CR2: variants seen among roughly 807,000 people sequenced by gnomAD.
The protein encoded by CR2 is complement receptor type 2.
In CR2, 96 loss-of-function variants were observed where a neutral mutation model predicts 123.0. The ratio of observed to expected loss-of-function variants is 0.78; its 90% confidence interval spans 0.66 to 0.93. The LOEUF is 0.93. Among genes scored for constraint, CR2 ranks in the 40% least tolerant of loss-of-function variants. The pLI is 0.00. For missense variants in CR2, 1,258 were observed against 1,361.0 expected (o/e 0.92, Z 1.19); for synonymous variants, 484 against 469.5 (o/e 1.03, Z -0.40).
Position 207,480,153 on chromosome 1 carries a change from A to G in CR2, c.3188+100A>G, listed in dbSNP as rs535245882. Reference sequence around the variant, plus strand: ...GAAGCACAAGTTATGTGAAATAAATACTGCAATGTGATAACTAAATGAAGT... The same window carrying G: ...GAAGCACAAGTTATGTGAAATAAATGCTGCAATGTGATAACTAAATGAAGT... On this transcript the variant is annotated intron_variant, in intron 18 of 19. Transcript: ENST00000367057. The G allele has an allele frequency of 3.3e-4, 285 of 857,864 alleles. 2 individuals carry two copies. The highest frequency in any genetic ancestry group is 5.9e-4 in the Admixed American group (33 of 56,032). 53.1% of individuals were successfully genotyped at this position (857,864 alleles called of 1,614,324 possible).
chr1:207,471,429 G>A lies in CR2; in HGVS notation c.1500G>A (p.Lys500=), dbSNP rs904218818. 1 of 1,612,092 alleles carries A rather than the reference G, an allele frequency of 6.2e-7. No homozygotes were observed. Among genetic ancestry groups the A allele is most frequent in the Non-Finnish European group, 8.5e-7 (1 of 1,178,268 alleles). Residue 500 remains lysine (K), a synonymous_variant, in exon 9 of 20, where the codon AAG becomes AAA. Transcript: ENST00000367057. ...TACGTGACTCTGTCTCTAGGTACAA[G>A]TTAAGTGGGAGTGTTTATCAGGAGT... ...DVNSSCGEGY[K]LSGSVYQECQ...
rs373493698 is a variant in CR2 at position 207,468,629 on chromosome 1, G to C, written c.548G>C (p.Cys183Ser). The C allele has an allele frequency of 6.2e-7, 1 of 1,613,958 alleles. No homozygotes were observed. Among genetic ancestry groups the C allele is most frequent in the Non-Finnish European group, 8.5e-7 (1 of 1,179,972 alleles). The change falls in exon 3 of 20, where the codon TGT becomes TCT. Residue 183 changes from cysteine (C) to serine (S), a missense_variant. Transcript: ENST00000367057. ...CCAGGATTGTCTGTGACTTACAGCT[G>C]TGAATCTGGTTACTTGCTTGTTGGA... ...IAPGLSVTYS[C>S]ESGYLLVGEK...
At chr1:207,465,981 G>A (rs1018391260) in intron 1 of CR2, among the ~76,000 whole-genome samples, 2 of 152,178 alleles carry the variant, frequency 1.3e-5, no homozygotes, top group East Asian at 3.8e-4. Context: ...TGAATAATTA[G>A]TATGTTCCAG....
chr1:207,476,399 A>C lies in CR2; in HGVS notation c.2882A>C (p.Gln961Pro), dbSNP rs191264913. 8.1e-6 allele frequency: 13 copies of C among 1,613,588 alleles called. No homozygotes were observed. Among genetic ancestry groups the C allele is most frequent in the Non-Finnish European group, 1.1e-5 (13 of 1,179,866 alleles). Residue 961 changes from glutamine (Q) to proline (P), a missense_variant, in exon 15 of 20, where the codon CAA becomes CCA. Physicochemically the swap from Gln to Pro is moderately conservative, Grantham distance 76 (BLOSUM62 -1). Transcript: ENST00000367057. ...TGCACACATGAGGGAACCTGGAGCC[A>C]ACCTGCCCCTCATTGTAAAGGTGCT... is the stretch of plus-strand genomic sequence containing the variant. ...LLCTHEGTWS[Q>P]PAPHCKEVNC... is the part of the protein sequence containing the mutation.
chr1:207,486,361 C>T (rs2102315912), intron 19 of CR2, among the ~76,000 whole-genome samples: 1 of 151,786 alleles, frequency 6.6e-6, no homozygotes, highest in Non-Finnish European at 1.5e-5. Flanking sequence ...AGCAAGGAGG[C>T]CAGTGTGGCC....
chr1:207,482,504 C>T (rs1482934361), intron 18 of CR2, among the ~76,000 whole-genome samples: 1 of 152,074 alleles, frequency 6.6e-6, no homozygotes, highest in Non-Finnish European at 1.5e-5. Flanking sequence ...CCATTCTTTT[C>T]TTATACAACA....
intron 1 of CR2, among the ~76,000 whole-genome samples, chr1:207,457,490 C>T (rs1041444658): frequency 6.6e-6 from 1 of 152,174 alleles, no homozygotes; most frequent in Non-Finnish European, 1.5e-5. Context: ...ATTTTCCTGT[C>T]CCTCTTCTTG....
intron 18 of CR2, among the ~76,000 whole-genome samples, chr1:207,483,868 C>T (rs747015157): frequency 6.6e-6 from 1 of 151,786 alleles, no homozygotes; most frequent in African/African-American, 2.4e-5. Flanking sequence ...GCTGTGGAAC[C>T]AAAAAGAACA....
intron 18 of CR2, among the ~76,000 whole-genome samples, chr1:207,482,712 T>C (rs960071341): frequency 1.3e-5 from 2 of 152,122 alleles, no homozygotes; most frequent in African/African-American, 4.8e-5. Context: ...GGTCAATATT[T>C]GGGAGTTTTA....
rs762898593 is a variant in CR2, at chr1:207,469,822, C to T, written c.945C>T (p.Phe315=). The T allele has an allele frequency of 1.2e-6, 2 of 1,613,992 alleles. No homozygotes were observed. The highest frequency in any genetic ancestry group is 1.7e-6 in the Non-Finnish European group (2 of 1,179,946). The change falls in exon 6 of 20, where the codon TTC becomes TTT. Residue 315 remains phenylalanine (F), a synonymous_variant. Coordinates refer to ENST00000367057, the MANE Select transcript of CR2 (RefSeq NM_001006658.3). ...CGGACCCAGAGGAAGGAGTGAACTT[C>T]ATCCTTATTGGAGAGAGCACTCTCC... ...CDPDPEEGVN[F]ILIGESTLRC...
intron 14 of CR2, among the ~76,000 whole-genome samples, chr1:207,475,796 C>G (rs886492560): frequency 6.6e-6 from 1 of 152,184 alleles, no homozygotes; most frequent in Admixed American, 6.6e-5. Flanking sequence ...CACAAGACCC[C>G]CTTTGCTTCC....
intron 2 of CR2, among the ~76,000 whole-genome samples, chr1:207,467,929 C>A (rs1488485894): frequency 6.6e-6 from 1 of 152,138 alleles, no homozygotes; most frequent in African/African-American, 2.4e-5. Context: ...TTGCCAATAT[C>A]TACCAGGATA....
Position 207,473,183 on chromosome 1 carries a change from A to C in CR2, c.1978+4A>C. On this transcript the variant is annotated splice_donor_region_variant and intron_variant, in intron 10 of 19. Coordinates refer to ENST00000367057, the MANE Select transcript of CR2 (RefSeq NM_001006658.3). The stretch of plus-strand genomic sequence containing the variant: ...GAAATACCAGTTTGTGAAAAAGGTA[A>C]AAACCCAATAAGGGGGAAAAAAGGA... The C allele has an allele frequency of 6.2e-7, 1 of 1,613,584 alleles. No homozygotes were observed. The highest frequency in any genetic ancestry group is 8.5e-7 in the Non-Finnish European group (1 of 1,179,842).
At position 207,489,327 on chromosome 1, in the gene CR2, A is replaced by G. The variant is rs1658827295; in HGVS notation, c.*204A>G. On this transcript the variant is annotated 3_prime_UTR_variant, in exon 20 of 20. Transcript: ENST00000367057. ...TGGGAGCCCAGTTTCACTGCCATAT[A>G]CTCTTCAAGGACTTTCTGAAGCCTC... The G allele has an allele frequency of 6.6e-6, 1 of 152,148 alleles. No homozygotes were observed. The highest frequency in any genetic ancestry group is 2.4e-5 in the African/African-American group (1 of 41,408). 9.4% of individuals were successfully genotyped at this position (152,148 alleles called of 1,614,324 possible).
intron 18 of CR2, among the ~76,000 whole-genome samples, chr1:207,483,116 G>T (rs932202430): frequency 1.5e-4 from 23 of 152,120 alleles, no homozygotes; most frequent in Non-Finnish European, 4.4e-5. Flanking sequence ...TAGTGTTAGG[G>T]CGGATAATCC....
intron 16 of CR2, 66 bp downstream of exon 16, chr1:207,478,136 C>A: frequency 1.3e-6 from 2 of 1,522,134 alleles, no homozygotes; most frequent in East Asian, 2.4e-5. Context: ...GAGAGTTTCC[C>A]TCAGCGTGGA....
In CR2 at chr1:207,469,788, C is replaced by T. The variant is rs747385839; in HGVS notation, c.911C>T (p.Thr304Ile). Reference protein sequence around the residue: ...NVSYGSIVTYTCDPDPEEGVN... With the variant: ...NVSYGSIVTYICDPDPEEGVN... Reference sequence around the variant, plus strand: ...TCATATGGAAGCATAGTCACTTACACTTGTGACCCGGACCCAGAGGAAGGA... The same window carrying T: ...TCATATGGAAGCATAGTCACTTACATTTGTGACCCGGACCCAGAGGAAGGA... Residue 304 changes from threonine to isoleucine, a missense_variant, in exon 6 of 20, where the codon ACT (threonine) becomes ATT (isoleucine). Transcript: ENST00000367057. 1 of 1,613,984 alleles carries T rather than the reference C, an allele frequency of 6.2e-7. No individual in the cohort carries two copies.
chr1:207,466,597 G>C lies in CR2; in HGVS notation c.130G>C (p.Gly44Arg), dbSNP rs752234922. The part of the protein sequence containing the change: ...ISYYSTPIAV[G>R]TVIRYSCSGT... The stretch of plus-strand genomic sequence containing the variant: ...TTATTATTCTACCCCCATTGCTGTT[G>C]GTACCGTGATAAGGTACAGTTGTTC... Residue 44 changes from glycine (G) to arginine (R), a missense_variant, in exon 2 of 20, where the codon GGT (glycine) becomes CGT (arginine). Gly to Arg is a moderately radical substitution (Grantham distance 125). Transcript: ENST00000367057. 6.2e-7 allele frequency: 1 copy of C among 1,613,838 alleles called. No homozygotes were observed. The highest frequency in any genetic ancestry group is 8.5e-7 in the Non-Finnish European group (1 of 1,179,896).
In CR2 at chr1:207,469,884, G is replaced by A; in HGVS notation, c.1007G>A (p.Ser336Asn). 1 of 1,614,002 alleles carries A rather than the reference G, an allele frequency of 6.2e-7. No individual in the cohort carries two copies. Among genetic ancestry groups the A allele is most frequent in the Non-Finnish European group, 8.5e-7 (1 of 1,179,950 alleles). The change falls in exon 6 of 20, where the codon AGT (serine) becomes AAT (asparagine). Residue 336 changes from serine to asparagine, a missense_variant. Coordinates refer to ENST00000367057, the MANE Select transcript of CR2 (RefSeq NM_001006658.3). ...GATAGTCAGAAGACTGGGACCTGGAGTGGCCCTGCCCCACGCTGTGAACTT... is the reference window on the plus strand; with the variant it reads ...GATAGTCAGAAGACTGGGACCTGGAATGGCCCTGCCCCACGCTGTGAACTT... ...TVDSQKTGTW[S>N]GPAPRCELST...
Sources: allele counts gnomAD v4.1 joint callset (sites outside exome capture counted in the v4.1 genomes callset), GRCh38; gene constraint gnomAD v4.1.1; transcripts MANE v1.5; gene names NCBI Gene and HGNC (gene_info 2026-07-23, HGNC 2026-07-21).